CDH13: variants seen among roughly 807,000 people sequenced by gnomAD.
The protein encoded by CDH13 is cadherin 13.
In CDH13, 24 loss-of-function variants were observed where a neutral mutation model predicts 63.8. The ratio of observed to expected loss-of-function variants is 0.38; its 90% CI spans 0.27 to 0.53. The LOEUF is 0.53. Among genes scored for constraint, CDH13 ranks in the 20% least tolerant of loss-of-function variants. CDH13 has a pLI of 0.85. For synonymous variants in CDH13, 503 were observed against 355.3 expected (o/e 1.42, Z -4.67); for missense variants, 1,049 against 903.1 (o/e 1.16, Z -2.07).
intron 1 of CDH13, among the ~76,000 whole-genome samples, chr16:82,743,725 CCA>C (rs1247685135): frequency 2.6e-5 from 4 of 152,118 alleles, no homozygotes; most frequent in Non-Finnish European, 5.9e-5. Flanking sequence ...TGCTTGTCCC[CCA>C]CTGTTAATGT....
chr16:83,773,175 C>G (rs1914871827), intron 11 of CDH13, among the ~76,000 whole-genome samples: 1 of 152,072 alleles, frequency 6.6e-6, no homozygotes, highest in South Asian at 2.1e-4. Flanking sequence ...GAAAAGTGGT[C>G]CTGGGTTGCA....
intron 7 of CDH13, among the ~76,000 whole-genome samples, chr16:83,544,227 T>C (rs530209364): frequency 6.6e-6 from 1 of 152,282 alleles, no homozygotes; most frequent in Non-Finnish European, 1.5e-5. Flanking sequence ...GTTCACCCAA[T>C]GTCATATAGG....
intron 5 of CDH13, among the ~76,000 whole-genome samples, chr16:83,267,271 C>A (rs1048962221): frequency 7.2e-5 from 11 of 152,194 alleles, no homozygotes; most frequent in African/African-American, 2.2e-4. Flanking sequence ...TAATTCCCCA[C>A]CTCCGCAGCA....
chr16:82,749,910 A>G (rs897945852), intron 1 of CDH13, among the ~76,000 whole-genome samples: 2 of 152,136 alleles, frequency 1.3e-5, no homozygotes, highest in African/African-American at 4.8e-5. Flanking sequence ...AAAGAAAAAA[A>G]TGTATAAGTT....
intron 6 of CDH13, among the ~76,000 whole-genome samples, chr16:83,389,570 C>G (rs542858832): frequency 1.3e-5 from 2 of 152,202 alleles, no homozygotes; most frequent in African/African-American, 4.8e-5. Flanking sequence ...CCACATAATG[C>G]TGCCTTATTG....
intron 6 of CDH13, among the ~76,000 whole-genome samples, chr16:83,448,167 G>T (rs1035010182): frequency 2.0e-5 from 3 of 152,092 alleles, no homozygotes; most frequent in South Asian, 2.1e-4. Flanking sequence ...GTGAGCTAAA[G>T]ATTTTTTTTT....
At chr16:83,014,760 A>ATATATATGTATG (rs1914543041) in intron 2 of CDH13, among the ~76,000 whole-genome samples, 1 of 55,096 alleles carries the variant, frequency 1.8e-5, no homozygotes, top group African/African-American at 6.4e-5. Context: ...ATATATATAT[A>ATATATATGTATG]TATATATATA....
chr16:82,984,559 T>C (rs970286529), intron 2 of CDH13, among the ~76,000 whole-genome samples: 9 of 152,184 alleles, frequency 5.9e-5, no homozygotes, highest in Non-Finnish European at 1.3e-4. Context: ...ACAGTTAACA[T>C]TCATTTTCAA....
chr16:83,369,900 A>C (rs749101657), intron 6 of CDH13, among the ~76,000 whole-genome samples: 11 of 152,150 alleles, frequency 7.2e-5, no homozygotes, highest in South Asian at 2.1e-4. Context: ...ATTAAGGTGA[A>C]TGGTAAACTC....
rs372208288 is a variant in CDH13, at chr16:82,899,796, T to G, written c.157+41323T>G. 4.6e-5 allele frequency among the ~76,000 whole-genome samples: 7 copies of G among 152,318 alleles called. No homozygotes were observed. The South Asian group carries it at 1.5e-3, about 32-fold the overall frequency. The stretch of plus-strand genomic sequence containing the variant: ...ATCTCCTCCTCCAAACAAAACAAAG[T>G]GAATCGCTATGTGTTCGGTATAATG... On this transcript the variant is annotated intron_variant, in intron 2 of 13. Transcript: ENST00000567109.
chr16:83,780,181 G>A lies in CDH13; in HGVS notation c.1895G>A (p.Trp632Ter). The part of the protein sequence containing the change: ...IHKQAVPDKV[W>*]KISKINNTHA... ...AAACAAGCTGTTCCTGATAAAGTCT[G>A]GAAGATCTCCAAGATCAACAGTAAG... The change falls in exon 12 of 14, where the codon TGG becomes TAG. Residue 632 changes from tryptophan to a stop codon, truncating the protein, a stop_gained. Coordinates refer to ENST00000567109, the MANE Select transcript of CDH13 (RefSeq NM_001257.5). LOFTEE classifies it high-confidence loss of function. The A allele has an allele frequency of 6.2e-7, 1 of 1,601,958 alleles. No individual in the cohort carries two copies. The highest frequency in any genetic ancestry group is 8.5e-7 in the Non-Finnish European group (1 of 1,173,196).
intron 1 of CDH13, among the ~76,000 whole-genome samples, chr16:82,835,116 G>A (rs995918053): frequency 2.0e-5 from 3 of 152,170 alleles, no homozygotes; most frequent in Admixed American, 6.5e-5. Context: ...TCCCTGCAAC[G>A]TGTAGGTAAT....
At chr16:83,172,413 C>A (rs1022011233) in intron 4 of CDH13, among the ~76,000 whole-genome samples, 4 of 151,972 alleles carry the variant, frequency 2.6e-5, no homozygotes, top group African/African-American at 9.7e-5. Context: ...ATTGCTTGAA[C>A]CCCAGAGGCG....
chr16:83,087,671 C>CAAAAAAAAAAAA lies in CDH13; in HGVS notation c.367-37699_367-37688dup, dbSNP rs67228844. Among the ~76,000 whole-genome samples, 25 of 44,000 alleles carry CAAAAAAAAAAAA rather than the reference C, an allele frequency of 5.7e-4. 2 individuals carry two copies. Among genetic ancestry groups the CAAAAAAAAAAAA allele is most frequent in the African/African-American group, 2.2e-3 (25 of 11,450 alleles). The allele number at this position is 44,000 out of a possible 152,430, so 28.9% of individuals were successfully genotyped here. A position where few individuals can be genotyped will look rare whatever the true frequency, so the allele number is the denominator to read the frequency against. Reference sequence around the variant, plus strand: ...CGACGAAGCAAGACTCCCTCCGTCTCAAAAAAAAAAAAAAAAAAAAAAAAA... The same window carrying CAAAAAAAAAAAA: ...CGACGAAGCAAGACTCCCTCCGTCTCAAAAAAAAAAAAAAAAAAAAAAAAAAAAAAAAAAAAA... On this transcript the variant is annotated intron_variant, in intron 3 of 13. Coordinates refer to ENST00000567109, the MANE Select transcript of CDH13 (RefSeq NM_001257.5).
intron 1 of CDH13, among the ~76,000 whole-genome samples, chr16:82,698,841 T>C (rs1228702311): frequency 6.6e-6 from 1 of 152,234 alleles, no homozygotes; most frequent in Non-Finnish European, 1.5e-5. Flanking sequence ...AAAGGACAGA[T>C]AGTAAATATT....
chr16:82,767,433 ATGT>A (rs2035097284), intron 1 of CDH13, among the ~76,000 whole-genome samples: 3 of 152,200 alleles, frequency 2.0e-5, no homozygotes, highest in Admixed American at 6.5e-5. Context: ...TTGACTCAAC[ATGT>A]TGTTTTTAGG....
chr16:82,671,563 C>G (rs779146127), intron 1 of CDH13, among the ~76,000 whole-genome samples: 2 of 152,180 alleles, frequency 1.3e-5, no homozygotes. Flanking sequence ...AATTTACTAA[C>G]CTAGTCTTCA....
At chr16:83,684,075 G>A (rs542644862) in intron 10 of CDH13, among the ~76,000 whole-genome samples, 1 of 152,282 alleles carries the variant, frequency 6.6e-6, no homozygotes, top group African/African-American at 2.4e-5. Context: ...TTGTTAGAAA[G>A]AGTAACCCAG....
chr16:83,522,050 C>T (rs1041731638), intron 7 of CDH13, among the ~76,000 whole-genome samples: 5 of 152,144 alleles, frequency 3.3e-5, no homozygotes, highest in African/African-American at 1.2e-4. Flanking sequence ...GGTGCCAGGC[C>T]ACCTTCCTTC....
Sources: gnomAD v4.1 joint callset for allele counts (sites outside exome capture counted in the v4.1 genomes callset) on GRCh38, gnomAD v4.1.1 for gene constraint, MANE v1.5 for transcripts, NCBI Gene and HGNC (gene_info 2026-07-23, HGNC 2026-07-21) for gene names.